ZFPM2: variants seen among roughly 807,000 people sequenced by gnomAD.
ZFPM2 encodes zinc finger protein, FOG family member 2, also known as zinc finger protein ZFPM2.
Under a neutral mutation model 98.6 loss-of-function variants are expected in ZFPM2, and 20 were observed. The observed-to-expected ratio is 0.20, with a 90% confidence interval of 0.14 to 0.29. The LOEUF is 0.29. Among genes scored for constraint, ZFPM2 ranks in the 10% least tolerant of loss-of-function variants. The probability of loss-of-function intolerance (pLI) is 1.00; values close to 1 mark genes in which losing one functional copy is unlikely to be tolerated. For synonymous variants in ZFPM2, 518 were observed against 502.7 expected, an observed-to-expected ratio of 1.03 and a Z score of -0.41; for missense variants, 1,310 against 1,388.6, an observed-to-expected ratio of 0.94 and a Z score of 0.90.
chr8:105,378,338 C>T (rs1158369533), intron 1 of ZFPM2, among the ~76,000 whole-genome samples: 4 of 152,152 alleles, frequency 2.6e-5, no homozygotes, highest in East Asian at 1.9e-4. Context: ...AGTTAAGACA[C>T]ATTTTTTTCT....
rs1489234177 is a variant in ZFPM2, at chr8:105,798,536, C to A, written c.740-188C>A. On this transcript the variant is annotated intron_variant, in intron 6 of 7. Coordinates refer to ENST00000407775, the MANE Select transcript of ZFPM2 (RefSeq NM_012082.4). ...CTAGAGTCTGTGGGAAGTTAAATTG[C>A]AGAGTACAACATTTCTTTAAAAGTC... The A allele has an allele frequency of 1.5e-5, 8 of 521,364 alleles. No homozygotes were observed. The South Asian group carries it at 2.7e-4, about 18-fold the overall frequency. 32.3% of individuals were successfully genotyped at this position (521,364 alleles called of 1,614,324 possible).
At chr8:105,416,247 C>A (rs1586356348) in intron 1 of ZFPM2, among the ~76,000 whole-genome samples, 1 of 151,466 alleles carries the variant, frequency 6.6e-6, no homozygotes, top group Admixed American at 6.6e-5. Context: ...CACATTTTCC[C>A]ATGAGCATTT....
At chr8:105,517,707 C>CCACACATACA in intron 3 of ZFPM2, among the ~76,000 whole-genome samples, 1 of 124,980 alleles carries the variant, frequency 8.0e-6, no homozygotes, top group South Asian at 3.0e-4. Context: ...CACACACACA[C>CCACACATACA]CACACACACA....
chr8:105,789,128 A>C, intron 6 of ZFPM2: 2 of 488,678 alleles, frequency 4.1e-6, no homozygotes, highest in Middle Eastern at 5.5e-4. Flanking sequence ...ATACATGTGC[A>C]CAATGTGCAG....
At chr8:105,669,412 A>AAT (rs751723461) in intron 5 of ZFPM2, among the ~76,000 whole-genome samples, 137 of 148,722 alleles carry the variant, frequency 9.2e-4, no homozygotes, top group Middle Eastern at 7.1e-3. Flanking sequence ...ATTTGGGGCA[A>AAT]ATATATATAT....
At chr8:105,656,440 GT>G (rs2130878555) in intron 5 of ZFPM2, among the ~76,000 whole-genome samples, 1 of 152,220 alleles carries the variant, frequency 6.6e-6, no homozygotes, top group Admixed American at 6.5e-5. Context: ...ACCTCATACA[GT>G]TCAGTTATAA....
At chr8:105,684,731 C>T (rs763483784) in intron 5 of ZFPM2, among the ~76,000 whole-genome samples, 2 of 152,044 alleles carry the variant, frequency 1.3e-5, no homozygotes, top group Non-Finnish European at 2.9e-5. Flanking sequence ...TAACTCTTCT[C>T]AACTAACAGT....
chr8:105,462,810 A>G (rs147516058), intron 3 of ZFPM2, among the ~76,000 whole-genome samples: 116 of 152,174 alleles, frequency 7.6e-4, no homozygotes, highest in African/African-American at 2.7e-3. Flanking sequence ...TTAATTTCTG[A>G]ATGGCCAAAG....
At chr8:105,663,368 A>G (rs781720623) in intron 5 of ZFPM2, among the ~76,000 whole-genome samples, 62 of 152,240 alleles carry the variant, frequency 4.1e-4, no homozygotes, top group Non-Finnish European at 7.8e-4. Flanking sequence ...AATTGACCCA[A>G]CACACCACTT....
intron 6 of ZFPM2, among the ~76,000 whole-genome samples, chr8:105,795,078 GCTGCACCCACTGAC>G (rs1193347544): frequency 6.6e-6 from 1 of 152,134 alleles, no homozygotes; most frequent in Non-Finnish European, 1.5e-5. Context: ...TGCACGGTGC[GCTGCACCCACTGAC>G]CTGCGCCCAC....
intron 1 of ZFPM2, among the ~76,000 whole-genome samples, chr8:105,330,621 T>TAC (rs1554595031): frequency 9.6e-6 from 1 of 104,626 alleles, no homozygotes; most frequent in Non-Finnish European, 2.0e-5. Flanking sequence ...CACATATATA[T>TAC]ATATATATAT....
intron 5 of ZFPM2, among the ~76,000 whole-genome samples, chr8:105,731,048 G>A (rs530893411): frequency 1.3e-5 from 2 of 151,486 alleles, no homozygotes; most frequent in Non-Finnish European, 3.0e-5. Context: ...TGAACACTGA[G>A]AGAGCAAAAT....
intron 3 of ZFPM2, among the ~76,000 whole-genome samples, chr8:105,478,751 C>T (rs1813059212): frequency 6.6e-6 from 1 of 152,204 alleles, no homozygotes; most frequent in Admixed American, 6.5e-5. Flanking sequence ...CCTAAACTGT[C>T]TCTGGTCATT....
rs192131945 is a variant in ZFPM2, at chr8:105,740,640, G to A, written c.533-48078G>A. Among the ~76,000 whole-genome samples, 1,496 of 149,846 alleles carry A rather than the reference G, an allele frequency of 1.0e-2. 12 individuals carry two copies. The highest frequency in any genetic ancestry group is 0.068 in the Middle Eastern group (19 of 280). On this transcript the variant is annotated intron_variant, in intron 5 of 7. Coordinates refer to ENST00000407775, the MANE Select transcript of ZFPM2 (RefSeq NM_012082.4). Reference sequence around the variant, plus strand: ...ATTTCTTACAGACCATAAGAAATACGGTAAAAATTAAGACATTGCCCTATC... The same window carrying A: ...ATTTCTTACAGACCATAAGAAATACAGTAAAAATTAAGACATTGCCCTATC...
intron 1 of ZFPM2, among the ~76,000 whole-genome samples, chr8:105,328,859 C>T (rs181886402): frequency 4.2e-4 from 63 of 151,788 alleles, no homozygotes; most frequent in African/African-American, 1.4e-3. Flanking sequence ...AGTACTCTTG[C>T]GTTTTTTGGA....
intron 2 of ZFPM2, among the ~76,000 whole-genome samples, chr8:105,419,727 G>T (rs766491017): frequency 1.5e-4 from 23 of 152,090 alleles, no homozygotes; most frequent in Non-Finnish European, 3.1e-4. Context: ...TTTGAAAACC[G>T]AATGCTTTAG....
At chr8:105,650,520 A>G (rs1817149220) in intron 5 of ZFPM2, among the ~76,000 whole-genome samples, 1 of 152,174 alleles carries the variant, frequency 6.6e-6, no homozygotes, top group Non-Finnish European at 1.5e-5. Flanking sequence ...ATTTAGTGCT[A>G]TAAATTTTCC....
chr8:105,448,829 A>G (rs1265579553), intron 3 of ZFPM2, among the ~76,000 whole-genome samples: 1 of 152,060 alleles, frequency 6.6e-6, no homozygotes, highest in African/African-American at 2.4e-5. Flanking sequence ...TGCTAAACGT[A>G]AGTGGTCTTC....
intron 3 of ZFPM2, among the ~76,000 whole-genome samples, chr8:105,472,889 C>CTTT (rs5893744): frequency 3.7e-5 from 4 of 109,368 alleles, no homozygotes; most frequent in Admixed American, 9.9e-5. Context: ...CTAAAGGGAC[C>CTTT]TTTTTTTTTT....
Sources: allele counts gnomAD v4.1 joint callset (sites outside exome capture counted in the v4.1 genomes callset), GRCh38; gene constraint gnomAD v4.1.1; transcripts MANE v1.5; gene names NCBI Gene and HGNC (gene_info 2026-07-23, HGNC 2026-07-21).